EFCAB7: variants seen among roughly 807,000 people sequenced by gnomAD.
EFCAB7 encodes EF-hand calcium-binding domain-containing protein 7.
EFCAB7 carries 66 observed loss-of-function variants against 77.1 expected under a neutral mutation model. The ratio of observed to expected loss-of-function variants is 0.86; its 90% CI spans 0.70 to 1.05. EFCAB7 has a LOEUF of 1.05. EFCAB7 is among the 50% of genes least tolerant of loss of function. The pLI is 0.00. For missense variants in EFCAB7, 638 were observed against 730.5 expected, an observed-to-expected ratio of 0.87 and a Z score of 1.46; for synonymous variants, 225 against 243.3, an observed-to-expected ratio of 0.92 and a Z score of 0.70.
chr1:63,533,303 A>G (rs77228476), intron 4 of EFCAB7, 151 bp from the exon 5 acceptor site: 11 of 584,844 alleles, frequency 1.9e-5, no homozygotes, highest in Non-Finnish European at 2.9e-5. Flanking sequence ...AGGCTGGTCA[A>G]TCTGATTCAA....
intron 1 of EFCAB7, among the ~76,000 whole-genome samples, chr1:63,525,266 T>C (rs1646566967): frequency 6.6e-6 from 1 of 152,202 alleles, no homozygotes; most frequent in South Asian, 2.1e-4. Context: ...TGTGTATATC[T>C]TTGTTCTTTT....
chr1:63,539,912 T>A (rs1225425432), intron 6 of EFCAB7, among the ~76,000 whole-genome samples: 2 of 152,066 alleles, frequency 1.3e-5, no homozygotes, highest in Non-Finnish European at 2.9e-5. Context: ...TCATTTCTAT[T>A]CTTTAGCAGT....
At position 63,532,633 on chromosome 1, in the gene EFCAB7, ATGTTGCTTTAAAATAAATCT is replaced by A; in HGVS notation, c.400-32_400-13del. On this transcript the variant is annotated splice_polypyrimidine_tract_variant and intron_variant, in intron 3 of 13. Coordinates refer to ENST00000371088, the MANE Select transcript of EFCAB7 (RefSeq NM_032437.4). ...CCCCATGAATAACAAAGGAGTAATC[ATGTTGCTTTAAAATAAATCT>A]TGTTTTTTTTTTTCAGAGAGGTGAG... 1 of 1,530,200 alleles carries A rather than the reference ATGTTGCTTTAAAATAAATCT, an allele frequency of 6.5e-7. No individual in the cohort carries two copies. Among genetic ancestry groups the A allele is most frequent in the Admixed American group, 2.0e-5 (1 of 49,062 alleles). The allele number at this position is 1,530,200 out of a possible 1,614,324, so 94.8% of individuals were successfully genotyped here. A position where few individuals can be genotyped will look rare whatever the true frequency, so the allele number is the denominator to read the frequency against.
At chr1:63,532,822 G>A in intron 4 of EFCAB7, 66 bp downstream of exon 4, 1 of 1,284,682 alleles carries the variant, frequency 7.8e-7, no homozygotes, top group Non-Finnish European at 1.1e-6. Context: ...TTTTTCCCCA[G>A]CTTTATTAAG....
chr1:63,526,416 A>G (rs1325717998), intron 2 of EFCAB7, among the ~76,000 whole-genome samples: 1 of 152,200 alleles, frequency 6.6e-6, no homozygotes, highest in Non-Finnish European at 1.5e-5. Flanking sequence ...CATCAAGGCT[A>G]ATAACTTTAT....
intron 7 of EFCAB7, among the ~76,000 whole-genome samples, chr1:63,546,675 A>G (rs190234360): frequency 8.9e-4 from 135 of 152,288 alleles, no homozygotes; most frequent in African/African-American, 3.2e-3. Flanking sequence ...GCCAGAACTA[A>G]GTTTTTATTT....
downstream of EFCAB7, among the ~76,000 whole-genome samples, chr1:63,577,585 A>G (rs1418858967): frequency 3.3e-5 from 5 of 152,234 alleles, no homozygotes; most frequent in Non-Finnish European, 7.3e-5. Flanking sequence ...TTCTTAGTAG[A>G]GAAGTAAAAA....
the EFCAB7 span, among the ~76,000 whole-genome samples, chr1:63,582,314 T>C: frequency 4.8e-4 from 73 of 152,342 alleles, no homozygotes; most frequent in African/African-American, 1.3e-3. Flanking sequence ...CAAGAAAAAG[T>C]TGAATTGCTT....
chr1:63,532,075 A>G, intron 3 of EFCAB7, 44 bp downstream of exon 3: 1 of 1,465,514 alleles, frequency 6.8e-7, no homozygotes, highest in Non-Finnish European at 9.4e-7. Context: ...ATTTTCTAAA[A>G]CAGCTTGGAA....
At chr1:63,570,178 A>G (rs944247938) in intron 12 of EFCAB7, 13 of 152,246 alleles carry the variant, frequency 8.5e-5, no homozygotes, top group African/African-American at 3.1e-4. Flanking sequence ...GCTAAGTAGT[A>G]GAAGAGTTGA....
intron 5 of EFCAB7, 115 bp downstream of exon 5, chr1:63,533,764 G>A: frequency 1.3e-6 from 1 of 786,712 alleles, no homozygotes; most frequent in East Asian, 2.9e-5. Context: ...TCTAACTTTT[G>A]TTAGCTACTA....
intron 11 of EFCAB7, among the ~76,000 whole-genome samples, chr1:63,565,191 G>A (rs217472): frequency 6.6e-6 from 1 of 151,702 alleles, no homozygotes; most frequent in African/African-American, 2.4e-5. Flanking sequence ...AACCCCGTCT[G>A]TACTAAAAAT....
chr1:63,532,457 A>C (rs574990439), intron 3 of EFCAB7, among the ~76,000 whole-genome samples: 7 of 152,230 alleles, frequency 4.6e-5, no homozygotes, highest in Middle Eastern at 3.4e-3. Flanking sequence ...TATTTAGTAA[A>C]CTGAAATTCA....
rs1282070044 is a variant in EFCAB7, at chr1:63,546,074, T to C, written c.946+17T>C. The C allele has an allele frequency of 6.2e-7, 1 of 1,602,814 alleles. No homozygotes were observed. The highest frequency in any genetic ancestry group is 2.2e-5 in the East Asian group (1 of 44,750). On this transcript the variant is annotated intron_variant, in intron 7 of 13. Coordinates refer to ENST00000371088, the MANE Select transcript of EFCAB7 (RefSeq NM_032437.4). ...AAGTTGAAGGCAAGTTTAAGTTTTT[T>C]GTATATTTTTAAAATGTCAATTTGT...
intron 1 of EFCAB7, among the ~76,000 whole-genome samples, chr1:63,524,897 C>G (rs1276458544): frequency 6.6e-6 from 1 of 151,982 alleles, no homozygotes; most frequent in East Asian, 1.9e-4. Context: ...TATACAAACC[C>G]CAAATATTGT....
At chr1:63,551,188 G>T (rs1327762750) in intron 7 of EFCAB7, 1 of 152,148 alleles carries the variant, frequency 6.6e-6, no homozygotes, top group East Asian at 1.9e-4. Context: ...CTTTTGATGA[G>T]TTCAAGAAAA....
chr1:63,577,071 C>T (rs1446556370), downstream of EFCAB7, among the ~76,000 whole-genome samples: 2 of 150,964 alleles, frequency 1.3e-5, no homozygotes, highest in Non-Finnish European at 2.9e-5. Flanking sequence ...CGTTTGAACC[C>T]AGGAGGCTGA....
chr1:63,559,885 C>T (rs1647074843), intron 10 of EFCAB7, among the ~76,000 whole-genome samples: 1 of 152,060 alleles, frequency 6.6e-6, no homozygotes, highest in Non-Finnish European at 1.5e-5. Context: ...TTGATCTATT[C>T]ATCATTATTT....
At chr1:63,529,315 T>C (rs554708066) in intron 2 of EFCAB7, 1 of 152,324 alleles carries the variant, frequency 6.6e-6, no homozygotes, top group African/African-American at 2.4e-5. Flanking sequence ...TGGCATAATC[T>C]AGAGGAGAAG....
Sources: allele counts gnomAD v4.1 joint callset (sites outside exome capture counted in the v4.1 genomes callset), GRCh38; gene constraint gnomAD v4.1.1; transcripts MANE v1.5; gene names NCBI Gene and HGNC (gene_info 2026-07-23, HGNC 2026-07-21).